Variants in UCN3 observed in about 807,000 individuals in gnomAD.
The protein encoded by UCN3 is urocortin-3.
In UCN3, 3 loss-of-function variants were observed where a neutral mutation model predicts 3.6. The ratio of observed to expected loss-of-function variants is 0.83; its 90% CI spans 0.38 to 2.15. UCN3 has a LOEUF of 2.15. UCN3 is among the 30% of genes most tolerant of loss of function. UCN3 has a pLI of 0.06. For missense variants in UCN3, 206 were observed against 208.3 expected (o/e 0.99, Z 0.07); for synonymous variants, 100 against 93.2 (o/e 1.07, Z -0.42).
At chr10:5,372,868 CTTTTTT>C (rs1169199083) in intron 1 of UCN3, among the ~76,000 whole-genome samples, 1 of 151,828 alleles carries the variant, frequency 6.6e-6, no homozygotes, top group Non-Finnish European at 1.5e-5. Flanking sequence ...TTTTATTTTT[CTTTTTT>C]TAAATAAAAG....
intron 1 of UCN3, among the ~76,000 whole-genome samples, chr10:5,369,589 T>C (rs1377189118): frequency 6.6e-6 from 1 of 152,236 alleles, no homozygotes; most frequent in Non-Finnish European, 1.5e-5. Flanking sequence ...TTGTTCTCAC[T>C]TCGCCAGGCA....
intron 1 of UCN3, among the ~76,000 whole-genome samples, chr10:5,371,986 GA>G (rs1474804654): frequency 6.6e-6 from 1 of 152,210 alleles, no homozygotes; most frequent in East Asian, 1.9e-4. Flanking sequence ...TAGCCCAGGG[GA>G]TGGTTCATCC....
intron 1 of UCN3, among the ~76,000 whole-genome samples, chr10:5,373,376 G>T (rs376457466): frequency 2.2e-4 from 33 of 152,254 alleles, no homozygotes; most frequent in South Asian, 6.2e-4. Flanking sequence ...CTTTACAGGG[G>T]CAGAGGCTGC....
In UCN3 at chr10:5,370,864, T is replaced by C. The variant is rs544432182; in HGVS notation, c.-6-2851T>C. Among the ~76,000 whole-genome samples the C allele has an allele frequency of 4.7e-3, 576 of 121,910 alleles. 83 individuals are homozygous for C. Among genetic ancestry groups the C allele is most frequent in the African/African-American group, 0.016 (529 of 32,288 alleles). The allele number at this position is 121,910 out of a possible 152,430, so 80.0% of individuals were successfully genotyped here. ...GCGTGTGTGTGCGCGTGTGTGTGCGTGTGTATGTGTGTGTATATGCGTGTG... is the reference window on the plus strand; with the variant it reads ...GCGTGTGTGTGCGCGTGTGTGTGCGCGTGTATGTGTGTGTATATGCGTGTG... On this transcript the variant is annotated intron_variant, in intron 1 of 1. Coordinates refer to ENST00000380433, the MANE Select transcript of UCN3 (RefSeq NM_053049.4).
chr10:5,370,643 A>ATGTGTGTGTGTGTGTGTG (rs1371514680), intron 1 of UCN3, among the ~76,000 whole-genome samples: 1 of 40,356 alleles, frequency 2.5e-5, no homozygotes, highest in Non-Finnish European at 4.5e-5. Flanking sequence ...ATGTGTGTGT[A>ATGTGTGTGTGTGTGTGTG]TATGTGTGTG....
Position 5,369,937 on chromosome 10 carries a change from GTATGTGTGTGTA to G in UCN3, c.-6-3761_-6-3750del, listed in dbSNP as rs1413347963. Among the ~76,000 whole-genome samples the G allele has an allele frequency of 5.4e-3, 415 of 77,152 alleles. 63 individuals carry two copies. Among genetic ancestry groups the G allele is most frequent in the East Asian group, 7.6e-3 (12 of 1,578 alleles). 50.6% of individuals were successfully genotyped at this position (77,152 alleles called of 152,430 possible). A position where few individuals can be genotyped will look rare whatever the true frequency, so the allele number is the denominator to read the frequency against. ...TATATGTGTGTGTATGTGTGTGTGT[GTATGTGTGTGTA>G]TATGTGTGTGTATATGCGTGTGTAT... On this transcript the variant is annotated intron_variant, in intron 1 of 1. Transcript: ENST00000380433.
intron 1 of UCN3, among the ~76,000 whole-genome samples, chr10:5,369,875 A>ATGTGTGTGTGTGTATATG (rs1485838796): frequency 1.2e-5 from 1 of 84,366 alleles, no homozygotes; most frequent in African/African-American, 5.1e-5. Context: ...GTGTGTGTAT[A>ATGTGTGTGTGTGTATATG]TGTGTGTGTA....
chr10:5,372,806 C>T (rs1168051275), intron 1 of UCN3, among the ~76,000 whole-genome samples: 2 of 151,582 alleles, frequency 1.3e-5, no homozygotes, highest in Non-Finnish European at 2.9e-5. Flanking sequence ...CCTCCCACCT[C>T]GGCATCCCAC....
At chr10:5,370,426 CGTGTGTATATGCGTGTGTATGTGTGT>C (rs1831363524) in intron 1 of UCN3, among the ~76,000 whole-genome samples, 1 of 10,294 alleles carries the variant, frequency 9.7e-5, no homozygotes, top group Admixed American at 1.2e-3. Context: ...TGTGTATATG[CGTGTGTATATGCGTGTGTATGTGTGT>C]GTGTATATGT....
Position 5,370,207 on chromosome 10 carries a change from G to GTGTATGTGCGTC in UCN3, c.-6-3500_-6-3499insCGTCTGTATGTG, listed in dbSNP as rs1554811143. Among the ~76,000 whole-genome samples the GTGTATGTGCGTC allele has an allele frequency of 4.1e-4, 21 of 51,646 alleles. 4 individuals carry two copies. The highest frequency in any genetic ancestry group is 6.9e-4 in the Non-Finnish European group (20 of 29,110). 33.9% of individuals were successfully genotyped at this position (51,646 alleles called of 152,430 possible). A position where few individuals can be genotyped will look rare whatever the true frequency, so the allele number is the denominator to read the frequency against. ...TGTGTATATGCGTGTGTATATGCGTGTGTATGTGTGTGTATGTGCGTGTGT... is the reference window on the plus strand; with the variant it reads ...TGTGTATATGCGTGTGTATATGCGTGTGTATGTGCGTCTGTATGTGTGTGTATGTGCGTGTGT... On this transcript the variant is annotated intron_variant, in intron 1 of 1. Coordinates refer to ENST00000380433, the MANE Select transcript of UCN3 (RefSeq NM_053049.4).
intron 1 of UCN3, among the ~76,000 whole-genome samples, chr10:5,368,851 G>A (rs1188760060): frequency 6.6e-6 from 1 of 152,130 alleles, no homozygotes; most frequent in Non-Finnish European, 1.5e-5. Context: ...CCACAGGGAC[G>A]GTTAGTGCAC....
intron 1 of UCN3, among the ~76,000 whole-genome samples, chr10:5,370,871 G>GCGTGTGTATGCGTGTGTATGCGTGTATA: frequency 7.4e-6 from 1 of 135,398 alleles, no homozygotes; most frequent in African/African-American, 3.0e-5. Context: ...GCGTGTGTAT[G>GCGTGTGTATGCGTGTGTATGCGTGTATA]TGTGTGTATA....
rs1554811020 is a variant in UCN3 at position 5,369,861 on chromosome 10, G to GC, written c.-6-3854_-6-3853insC. On this transcript the variant is annotated intron_variant, in intron 1 of 1. Transcript: ENST00000380433. Reference sequence around the variant, plus strand: ...GTGCTGGGTAAACATTTATCCACGTGGGTGTGTGTGTATATGTGTGTGTAT... The same window carrying GC: ...GTGCTGGGTAAACATTTATCCACGTGCGGTGTGTGTGTATATGTGTGTGTAT... Among the ~76,000 whole-genome samples, 557 of 134,552 alleles carry GC rather than the reference G, an allele frequency of 4.1e-3. 62 individuals carry two copies. The highest frequency in any genetic ancestry group is 9.8e-3 in the African/African-American group (331 of 33,880). 88.3% of individuals were successfully genotyped at this position (134,552 alleles called of 152,430 possible). A position where few individuals can be genotyped will look rare whatever the true frequency, so the allele number is the denominator to read the frequency against.
At chr10:5,370,342 C>T (rs201529759) in intron 1 of UCN3, among the ~76,000 whole-genome samples, 161 of 10,692 alleles carry the variant, frequency 0.015, 13 homozygotes, top group East Asian at 0.03. Context: ...TGTGTATATG[C>T]GTGTGTATAT....
intron 1 of UCN3, among the ~76,000 whole-genome samples, chr10:5,370,531 GTGTA>G: frequency 1.8e-5 from 2 of 110,380 alleles, no homozygotes; most frequent in Non-Finnish European, 3.6e-5. Context: ...GTATGTGTGT[GTGTA>G]TATGCGTGTA....
chr10:5,370,840 C>A lies in UCN3; in HGVS notation c.-6-2875C>A, dbSNP rs1422203205. On this transcript the variant is annotated intron_variant, in intron 1 of 1. Transcript: ENST00000380433. ...GTGTGTGTGCGCGCGTGTGTGTGCG[C>A]GTGTGTGTGCGCGTGTGTGTGCGTG... Among the ~76,000 whole-genome samples the A allele has an allele frequency of 3.7e-4, 15 of 40,766 alleles. 1 individual carries two copies. Among genetic ancestry groups the A allele is most frequent in the African/African-American group, 1.6e-3 (14 of 8,730 alleles). The allele number at this position is 40,766 out of a possible 152,430, so 26.7% of individuals were successfully genotyped here.
At position 5,370,572 on chromosome 10, in the gene UCN3, CGTGTATATGT is replaced by C. The variant is rs1478796230; in HGVS notation, c.-6-3128_-6-3119del. ...ATGTGTGTATATGTGTGTGTATATGCGTGTATATGTGTGTATATGTGTGTGTGTATGCGTG... is the reference window on the plus strand; with the variant it reads ...ATGTGTGTATATGTGTGTGTATATGCGTGTATATGTGTGTGTGTATGCGTG... On this transcript the variant is annotated intron_variant, in intron 1 of 1. Coordinates refer to ENST00000380433, the MANE Select transcript of UCN3 (RefSeq NM_053049.4). 8.8e-3 allele frequency among the ~76,000 whole-genome samples: 166 copies of C among 18,818 alleles called. 22 individuals are homozygous for C. Among genetic ancestry groups the C allele is most frequent in the South Asian group, 0.015 (5 of 342 alleles). 12.3% of individuals were successfully genotyped at this position (18,818 alleles called of 152,430 possible). A position where few individuals can be genotyped will look rare whatever the true frequency, so the allele number is the denominator to read the frequency against.
intron 1 of UCN3, among the ~76,000 whole-genome samples, chr10:5,372,484 G>T (rs1264956062): frequency 6.6e-6 from 1 of 152,216 alleles, no homozygotes; most frequent in Non-Finnish European, 1.5e-5. Context: ...ACAGTCCAAG[G>T]AACATGAGGG....
intron 1 of UCN3, among the ~76,000 whole-genome samples, chr10:5,369,862 G>GGGGTGTGTGT (rs1831314051): frequency 1.0e-5 from 1 of 99,520 alleles, no homozygotes; most frequent in African/African-American, 3.8e-5. Context: ...TATCCACGTG[G>GGGGTGTGTGT]GTGTGTGTGT....
Sources: allele counts gnomAD v4.1 joint callset (sites outside exome capture counted in the v4.1 genomes callset), GRCh38; gene constraint gnomAD v4.1.1; transcripts MANE v1.5; gene names NCBI Gene and HGNC (gene_info 2026-07-23, HGNC 2026-07-21).